The following TMEM150C variants were observed in gnomAD, a reference collection of about 807,000 sequenced individuals.
The protein encoded by TMEM150C is tentonin 3.
TMEM150C carries 10 observed loss-of-function variants against 29.9 expected under a neutral mutation model. That is an observed-to-expected ratio of 0.33 (90% CI 0.21 to 0.57). TMEM150C has a LOEUF of 0.57. Among genes scored for constraint, TMEM150C ranks in the 20% least tolerant of loss-of-function variants. TMEM150C has a pLI of 0.88. For missense variants in TMEM150C, 251 were observed against 303.6 expected, an observed-to-expected ratio of 0.83 and a Z score of 1.29; for synonymous variants, 101 against 112.5, an observed-to-expected ratio of 0.90 and a Z score of 0.64.
intron 1 of TMEM150C, among the ~76,000 whole-genome samples, chr4:82,545,247 C>T (rs1725335321): frequency 6.6e-6 from 1 of 152,162 alleles, no homozygotes; most frequent in Non-Finnish European, 1.5e-5. Flanking sequence ...TCAACATATG[C>T]AAATCAGTAA....
intron 6 of TMEM150C, among the ~76,000 whole-genome samples, chr4:82,493,746 A>G (rs1377009501): frequency 6.6e-6 from 1 of 152,314 alleles, no homozygotes; most frequent in East Asian, 1.9e-4. Flanking sequence ...CTCCCAACAA[A>G]ATTTCAGTTA....
At chr4:82,552,670 G>A (rs184623707) in intron 1 of TMEM150C, among the ~76,000 whole-genome samples, 25 of 152,270 alleles carry the variant, frequency 1.6e-4, no homozygotes, top group East Asian at 5.8e-4. Context: ...TGAGCTCCCC[G>A]ACCCACCCAG....
At chr4:82,523,430 G>A (rs1233986350) in intron 1 of TMEM150C, among the ~76,000 whole-genome samples, 1 of 152,134 alleles carries the variant, frequency 6.6e-6, no homozygotes, top group Non-Finnish European at 1.5e-5. Context: ...CAAATGCATT[G>A]CCATGATGTT....
chr4:82,517,711 G>A (rs191603849), intron 1 of TMEM150C, among the ~76,000 whole-genome samples: 13 of 152,226 alleles, frequency 8.5e-5, no homozygotes, highest in Admixed American at 6.5e-4. Flanking sequence ...CTCCAGACTT[G>A]GACTGGATTG....
intron 5 of TMEM150C, among the ~76,000 whole-genome samples, chr4:82,500,141 A>G (rs1461343085): frequency 1.3e-5 from 2 of 152,236 alleles, no homozygotes; most frequent in Non-Finnish European, 2.9e-5. Context: ...TCTAAAGAAA[A>G]TAATTGAGCA....
At chr4:82,536,710 A>G (rs1341909130) in intron 1 of TMEM150C, among the ~76,000 whole-genome samples, 1 of 151,982 alleles carries the variant, frequency 6.6e-6, no homozygotes, top group East Asian at 1.9e-4. Context: ...GACCCCATTA[A>G]AAACAAAAAA....
In TMEM150C at chr4:82,515,554, T is replaced by C. The variant is rs560972476; in HGVS notation, c.-10-10887A>G. Among the ~76,000 whole-genome samples, 431 of 152,050 alleles carry C rather than the reference T, an allele frequency of 2.8e-3. 3 individuals are homozygous for C. Among genetic ancestry groups the C allele is most frequent in the African/African-American group, 9.9e-3 (412 of 41,484 alleles). ...GAGATGGAGACCAGCCTGGCTAACA[T>C]GGTGAAACCCCGTCTCTACTAAAAA... On this transcript the variant is annotated intron_variant, in intron 1 of 7. Coordinates refer to ENST00000449862, the MANE Select transcript of TMEM150C (RefSeq NM_001080506.3).
chr4:82,562,057 G>A (rs1234647473), upstream of TMEM150C: 18 of 1,150,916 alleles, frequency 1.6e-5, no homozygotes, highest in Non-Finnish European at 2.0e-5. Flanking sequence ...GCCGCGCCGG[G>A]GCCCGCCCCC....
intron 1 of TMEM150C, among the ~76,000 whole-genome samples, chr4:82,507,950 G>C (rs80302469): frequency 6.6e-6 from 1 of 151,434 alleles, no homozygotes; most frequent in Non-Finnish European, 1.5e-5. Context: ...GTTTCACTAC[G>C]TTGCCCAAGC....
chr4:82,526,788 C>T (rs9968403), intron 1 of TMEM150C, among the ~76,000 whole-genome samples: 54,815 of 152,052 alleles, frequency 0.36, 14,750 homozygotes, highest in African/African-American at 0.77. Flanking sequence ...TAGATGGCCT[C>T]GCTTTCGATC....
rs184742796 is a variant in TMEM150C, at chr4:82,519,508, T to C, written c.-10-14841A>G. ...GGCCAAGATCTCGGCTCACTGCAAC[T>C]CCTGCCTCCCAGGATCAAGTGATTC... On this transcript the variant is annotated intron_variant, in intron 1 of 7. Coordinates refer to ENST00000449862, the MANE Select transcript of TMEM150C (RefSeq NM_001080506.3). 3.9e-4 allele frequency among the ~76,000 whole-genome samples: 59 copies of C among 152,154 alleles called. 1 individual carries two copies. Among genetic ancestry groups the C allele is most frequent in the African/African-American group, 1.4e-3 (57 of 41,492 alleles).
chr4:82,535,412 T>C (rs1724972963), intron 1 of TMEM150C, among the ~76,000 whole-genome samples: 1 of 152,214 alleles, frequency 6.6e-6, no homozygotes, highest in Non-Finnish European at 1.5e-5. Flanking sequence ...TGATCATTCT[T>C]AAAGGTCCTA....
chr4:82,507,948 A>T (rs1560485700), intron 1 of TMEM150C, among the ~76,000 whole-genome samples: 2 of 151,482 alleles, frequency 1.3e-5, no homozygotes, highest in Non-Finnish European at 2.9e-5. Context: ...AGGTTTCACT[A>T]CGTTGCCCAA....
intron 1 of TMEM150C, among the ~76,000 whole-genome samples, chr4:82,523,278 T>C (rs1028913980): frequency 6.6e-6 from 1 of 152,096 alleles, no homozygotes; most frequent in Non-Finnish European, 1.5e-5. Context: ...CCACCTGTCA[T>C]GGATACCAGT....
intron 1 of TMEM150C, among the ~76,000 whole-genome samples, chr4:82,526,789 G>A (rs764634496): frequency 2.6e-5 from 4 of 151,998 alleles, no homozygotes; most frequent in South Asian, 2.1e-4. Context: ...AGATGGCCTC[G>A]CTTTCGATCT....
chr4:82,488,329 C>T (rs995942078), intron 7 of TMEM150C, among the ~76,000 whole-genome samples: 3 of 152,162 alleles, frequency 2.0e-5, no homozygotes, highest in Admixed American at 1.3e-4. Flanking sequence ...AGAGCTGAGC[C>T]TGAGTTTAAA....
rs999971910 is a variant in TMEM150C at position 82,485,242 on chromosome 4, G to A, written c.*269C>T. The A allele has an allele frequency of 7.7e-6, 3 of 388,168 alleles. No individual in the cohort carries two copies. Among genetic ancestry groups the A allele is most frequent in the African/African-American group, 4.1e-5 (2 of 48,696 alleles). The allele number at this position is 388,168 out of a possible 1,614,324, so 24.0% of individuals were successfully genotyped here. On this transcript the variant is annotated 3_prime_UTR_variant, in exon 8 of 8. Coordinates refer to ENST00000449862, the MANE Select transcript of TMEM150C (RefSeq NM_001080506.3). ...TGGGAAGAGGAGGGAGTGCTGGGAA[G>A]GGGACGGATAAGAAGTGATCATGCA... is the stretch of plus-strand genomic sequence containing the variant.
At chr4:82,519,443 TA>T (rs1369657733) in intron 1 of TMEM150C, among the ~76,000 whole-genome samples, 1 of 151,962 alleles carries the variant, frequency 6.6e-6, no homozygotes, top group Non-Finnish European at 1.5e-5. Flanking sequence ...TCTTTTTTTT[TA>T]GATGGAGTCT....
At chr4:82,532,798 C>T (rs995569125) in intron 1 of TMEM150C, among the ~76,000 whole-genome samples, 11 of 151,630 alleles carry the variant, frequency 7.3e-5, no homozygotes, top group Non-Finnish European at 1.2e-4. Flanking sequence ...GCACGATCTC[C>T]GCTCACTGCA....
Sources: gnomAD v4.1 joint callset for allele counts (sites outside exome capture counted in the v4.1 genomes callset) on GRCh38, gnomAD v4.1.1 for gene constraint, MANE v1.5 for transcripts, NCBI Gene and HGNC (gene_info 2026-07-23, HGNC 2026-07-21) for gene names.